ATXN1: variants seen among roughly 807,000 people sequenced by gnomAD.
The protein encoded by ATXN1 is ataxin 1.
A neutral mutation model predicts 56.4 loss-of-function variants in ATXN1; 8 were observed. That is an observed-to-expected ratio of 0.14 (90% CI 0.08 to 0.26). ATXN1 has a LOEUF of 0.26. Among genes scored for constraint, ATXN1 ranks in the 10% least tolerant of loss-of-function variants. The pLI is 1.00. For missense variants in ATXN1, 987 were observed against 1,106.5 expected, an observed-to-expected ratio of 0.89 and a Z score of 1.53; for synonymous variants, 514 against 494.6, an observed-to-expected ratio of 1.04 and a Z score of -0.52.
At chr6:16,553,332 G>T (rs1012615920) in intron 4 of ATXN1, among the ~76,000 whole-genome samples, 7 of 152,158 alleles carry the variant, frequency 4.6e-5, no homozygotes, top group African/African-American at 1.7e-4. Flanking sequence ...CTCTAAGGTA[G>T]ATCTTGCTCC....
intron 3 of ATXN1, among the ~76,000 whole-genome samples, chr6:16,589,561 C>T (rs1404688467): frequency 6.6e-6 from 1 of 152,080 alleles, no homozygotes; most frequent in African/African-American, 2.4e-5. Flanking sequence ...TGTGGTAAGG[C>T]ATAATGATTA....
intron 5 of ATXN1, among the ~76,000 whole-genome samples, chr6:16,490,264 C>T (rs953084444): frequency 6.6e-6 from 1 of 152,140 alleles, no homozygotes; most frequent in Admixed American, 6.5e-5. Flanking sequence ...GTTCCAGATC[C>T]TGCTGGGGTC....
chr6:16,726,304 C>CG (rs1391694377), intron 2 of ATXN1, among the ~76,000 whole-genome samples: 1 of 148,016 alleles, frequency 6.8e-6, no homozygotes, highest in South Asian at 2.2e-4. Context: ...CGCTGGAACC[C>CG]GGGGGAGCAG....
intron 6 of ATXN1, among the ~76,000 whole-genome samples, chr6:16,362,716 G>C (rs1224341385): frequency 2.1e-5 from 3 of 143,122 alleles, no homozygotes; most frequent in Non-Finnish European, 4.6e-5. Flanking sequence ...TGAACATCTT[G>C]CTCTTGCTTG....
In ATXN1 at chr6:16,304,607, A is replaced by T. The variant is rs890172445; in HGVS notation, c.*1722T>A. 1.3e-5 allele frequency: 2 copies of T among 152,644 alleles called. No homozygotes were observed. The highest frequency in any genetic ancestry group is 2.9e-5 in the Non-Finnish European group (2 of 68,022). 9.5% of individuals were successfully genotyped at this position (152,644 alleles called of 1,614,324 possible). ...GCCCGCTAAGACCTGGCTTTTTGTG[A>T]CAGATGTGGTAAAAAGACCAAAATG... On this transcript the variant is annotated 3_prime_UTR_variant, in exon 8 of 8. Transcript: ENST00000436367.
intron 3 of ATXN1, among the ~76,000 whole-genome samples, chr6:16,627,802 C>T (rs924201634): frequency 2.0e-5 from 3 of 152,136 alleles, no homozygotes. Flanking sequence ...CACATCACAA[C>T]GCAGCCCTGC....
intron 3 of ATXN1, among the ~76,000 whole-genome samples, chr6:16,608,399 T>G (rs747888193): frequency 1.3e-5 from 2 of 152,248 alleles, no homozygotes; most frequent in African/African-American, 2.4e-5. Context: ...ACTTGATTTC[T>G]ATCTTCTTAA....
In ATXN1 at chr6:16,580,389, T is replaced by C. The variant is rs567189349; in HGVS notation, c.-361+5391A>G. ...TAGAATACTGTCATTTTGATAAAGC[T>C]GTATGAAAGTTGGATTTCTACCTCG... is the stretch of plus-strand genomic sequence containing the variant. On this transcript the variant is annotated intron_variant, in intron 4 of 7. Coordinates refer to ENST00000436367, the MANE Select transcript of ATXN1 (RefSeq NM_001128164.2). Among the ~76,000 whole-genome samples the C allele has an allele frequency of 2.2e-4, 33 of 152,346 alleles. 1 individual carries two copies. In the South Asian group the frequency reaches 4.6e-3, roughly 21 times the overall value.
chr6:16,346,903 C>T (rs1761410355), intron 6 of ATXN1, among the ~76,000 whole-genome samples: 1 of 152,238 alleles, frequency 6.6e-6, no homozygotes, highest in African/African-American at 2.4e-5. Flanking sequence ...GGTGGGAACC[C>T]GGGCTGCGCG....
intron 2 of ATXN1, among the ~76,000 whole-genome samples, chr6:16,673,020 CAAA>C (rs559212594): frequency 2.8e-5 from 3 of 105,568 alleles, no homozygotes; most frequent in African/African-American, 3.7e-5. Flanking sequence ...TCCCCCCCGC[CAAA>C]AAAAAAAAAA....
chr6:16,620,514 G>T (rs1320770260), intron 3 of ATXN1, among the ~76,000 whole-genome samples: 1 of 152,050 alleles, frequency 6.6e-6, no homozygotes, highest in Non-Finnish European at 1.5e-5. Context: ...CAGAGAGAGA[G>T]AGATGAAGAT....
chr6:16,545,856 A>G (rs1372998608), intron 4 of ATXN1, among the ~76,000 whole-genome samples: 1 of 152,254 alleles, frequency 6.6e-6, no homozygotes, highest in Non-Finnish European at 1.5e-5. Flanking sequence ...TTTATTTTAA[A>G]GTACTCTAAT....
At chr6:16,501,757 AT>A (rs770695437) in intron 5 of ATXN1, among the ~76,000 whole-genome samples, 2 of 152,076 alleles carry the variant, frequency 1.3e-5, no homozygotes, top group Non-Finnish European at 2.9e-5. Context: ...AGTCTTTACT[AT>A]TGTAAATACT....
rs1351806782 is a variant in ATXN1, at chr6:16,522,707, T to C, written c.-360-19A>G. The C allele has an allele frequency of 4.6e-5, 7 of 152,182 alleles. No individual in the cohort carries two copies. The East Asian group carries it at 9.6e-4, about 21-fold the overall frequency. The allele number at this position is 152,182 out of a possible 1,614,324, so 9.4% of individuals were successfully genotyped here. A position where few individuals can be genotyped will look rare whatever the true frequency, so the allele number is the denominator to read the frequency against. ...TGGAAAACTGGAATAGAAAAAAAGA[T>C]TTTTTAAAAAAATTAATAACTCCAT... is the stretch of plus-strand genomic sequence containing the variant. On this transcript the variant is annotated intron_variant, in intron 4 of 7. Transcript: ENST00000436367.
chr6:16,398,526 A>C (rs1758499604), intron 6 of ATXN1, among the ~76,000 whole-genome samples: 1 of 152,252 alleles, frequency 6.6e-6, no homozygotes, highest in South Asian at 2.1e-4. Flanking sequence ...AACTATATAC[A>C]TACACATATA....
At chr6:16,671,508 AC>A (rs1197626634) in intron 2 of ATXN1, among the ~76,000 whole-genome samples, 1 of 152,196 alleles carries the variant, frequency 6.6e-6, no homozygotes, top group African/African-American at 2.4e-5. Context: ...ATGTGTTTCT[AC>A]AGTTAACATT....
chr6:16,332,769 A>G (rs923187916), intron 6 of ATXN1, among the ~76,000 whole-genome samples: 1 of 152,226 alleles, frequency 6.6e-6, no homozygotes, highest in African/African-American at 2.4e-5. Flanking sequence ...AAGCCGCTTT[A>G]GAGCTACATT....
chr6:16,379,402 C>T (rs181480079), intron 6 of ATXN1, among the ~76,000 whole-genome samples: 22 of 152,102 alleles, frequency 1.4e-4, no homozygotes, highest in African/African-American at 4.8e-4. Context: ...CAATAACTTA[C>T]GGAAAAATAA....
In ATXN1 at chr6:16,326,463, C is replaced by T. The variant is rs1343601677; in HGVS notation, c.1848G>A (p.Glu616=). ...CCGGGCTATGGCTGTCTTCAATCCTCTCTACGGTGCTGGAGTCGATCTTCA... is the reference window on the plus strand; with the variant it reads ...CCGGGCTATGGCTGTCTTCAATCCTTTCTACGGTGCTGGAGTCGATCTTCA... The part of the protein sequence containing the change: ...NDLKIDSSTV[E]RIEDSHSPGV... The change falls in exon 7 of 8, where the codon GAG becomes GAA. Residue 616 remains glutamate (E), a synonymous_variant. Coordinates refer to ENST00000436367, the MANE Select transcript of ATXN1 (RefSeq NM_001128164.2). This position sits in a 1 kb window ranked among gnomAD's most constrained non-coding sequence, Gnocchi z 6.6. 1 of 1,614,034 alleles carries T rather than the reference C, an allele frequency of 6.2e-7. No individual in the cohort carries two copies. The highest frequency in any genetic ancestry group is 8.5e-7 in the Non-Finnish European group (1 of 1,180,024).
Sources: gnomAD v4.1 joint callset for allele counts (sites outside exome capture counted in the v4.1 genomes callset) on GRCh38, gnomAD v4.1.1 for gene constraint, Gnocchi (gnomAD v3.1) non-coding constraint, MANE v1.5 for transcripts, NCBI Gene and HGNC (gene_info 2026-07-23, HGNC 2026-07-21) for gene names.